The following WDPCP variants were observed in gnomAD, a reference collection of about 807,000 sequenced individuals.
WDPCP encodes WD repeat containing planar cell polarity effector, also known as WD repeat-containing and planar cell polarity effector protein fritz homolog.
In WDPCP, 71 loss-of-function variants were observed where a neutral mutation model predicts 93.1. That is an observed-to-expected ratio of 0.76 (90% CI 0.63 to 0.93). WDPCP has a LOEUF of 0.93. Among genes scored for constraint, WDPCP ranks in the 40% least tolerant of loss-of-function variants. WDPCP has a pLI of 0.00. For synonymous variants in WDPCP, 315 were observed against 315.0 expected (o/e 1.00, Z 0.00); for missense variants, 844 against 887.4 (o/e 0.95, Z 0.62).
intron 8 of WDPCP, among the ~76,000 whole-genome samples, chr2:63,436,170 A>G (rs1228279511): frequency 6.6e-6 from 1 of 152,150 alleles, no homozygotes; most frequent in Non-Finnish European, 1.5e-5. Flanking sequence ...AATAAACAGT[A>G]TTTCAAGTAA....
In WDPCP at chr2:63,625,401, G is replaced by A. The variant is rs570143670; in HGVS notation, n.488+25258C>T. Among the ~76,000 whole-genome samples the A allele has an allele frequency of 7.2e-5, 11 of 152,334 alleles. No homozygotes were observed. The East Asian group carries it at 2.1e-3, about 29-fold the overall frequency. Reference sequence around the variant, plus strand: ...GGAAGTCAAATTGTCTCTGTTTGAAGATAACATCATTGTATATTTAGAAAA... The same window carrying A: ...GGAAGTCAAATTGTCTCTGTTTGAAAATAACATCATTGTATATTTAGAAAA... On this transcript the variant is annotated intron_variant and non_coding_transcript_variant, in intron 3 of 4. Coordinates refer to the WDPCP transcript ENST00000467687.
intron 12 of WDPCP, among the ~76,000 whole-genome samples, chr2:63,373,745 G>T (rs1396641885): frequency 6.6e-6 from 1 of 151,644 alleles, no homozygotes; most frequent in African/African-American, 2.4e-5. Flanking sequence ...TGCCATCTTT[G>T]GGGTTAATTT....
At chr2:63,544,075 G>A (rs537811104) in intron 1 of WDPCP, among the ~76,000 whole-genome samples, 1 of 152,174 alleles carries the variant, frequency 6.6e-6, no homozygotes, top group African/African-American at 2.4e-5. Context: ...TAATAGCAAA[G>A]CAAGATTCAT....
intron 2 of WDPCP, among the ~76,000 whole-genome samples, chr2:63,783,052 G>T (rs764596860): frequency 6.6e-6 from 1 of 152,010 alleles, no homozygotes; most frequent in Non-Finnish European, 1.5e-5. Flanking sequence ...GCTAAAGATA[G>T]AACTGCCATG....
intron 17 of WDPCP, among the ~76,000 whole-genome samples, chr2:63,133,780 G>A (rs1302381652): frequency 6.6e-6 from 1 of 152,130 alleles, no homozygotes; most frequent in East Asian, 1.9e-4. Context: ...ATAGCAGCAT[G>A]AGAATGGACT....
chr2:63,268,619 C>T (rs957219862), intron 13 of WDPCP, among the ~76,000 whole-genome samples: 47 of 152,094 alleles, frequency 3.1e-4, no homozygotes, highest in African/African-American at 9.4e-4. Flanking sequence ...GCACATGCCA[C>T]CCCACTTGGC....
chr2:63,324,089 A>G (rs560671662), intron 12 of WDPCP, among the ~76,000 whole-genome samples: 9 of 152,242 alleles, frequency 5.9e-5, no homozygotes, highest in African/African-American at 9.6e-5. Flanking sequence ...CCTGGCCCCA[A>G]TATTCTCTCT....
At chr2:63,654,766 T>C (rs1575739707) in intron 2 of WDPCP, among the ~76,000 whole-genome samples, 1 of 152,204 alleles carries the variant, frequency 6.6e-6, no homozygotes, top group African/African-American at 2.4e-5. Flanking sequence ...TTACCGATAA[T>C]ACCTAGTACA....
chr2:63,757,204 A>G (rs975106898), intron 2 of WDPCP, among the ~76,000 whole-genome samples: 22 of 152,244 alleles, frequency 1.4e-4, no homozygotes, highest in African/African-American at 5.3e-4. Flanking sequence ...TACAGAGACC[A>G]ATAAGCAAAA....
chr2:63,495,526 T>G (rs1373583508), intron 1 of WDPCP, among the ~76,000 whole-genome samples: 1 of 152,238 alleles, frequency 6.6e-6, no homozygotes, highest in African/African-American at 2.4e-5. Flanking sequence ...AAAATATCAG[T>G]TAGTGAATTA....
chr2:63,152,816 A>T, intron 17 of WDPCP, 98 bp downstream of exon 17: 1 of 1,134,438 alleles, frequency 8.8e-7, no homozygotes, highest in Non-Finnish European at 1.3e-6. Context: ...GTTAATGTAG[A>T]CCAATAGATA....
At chr2:63,482,186 T>C (rs555429579) in intron 6 of WDPCP, among the ~76,000 whole-genome samples, 8 of 151,974 alleles carry the variant, frequency 5.3e-5, no homozygotes, top group East Asian at 1.9e-4. Context: ...TTTTAAACAA[T>C]TGGACTTTTT....
intron 2 of WDPCP, among the ~76,000 whole-genome samples, chr2:63,808,053 T>C (rs549847046): frequency 3.3e-5 from 5 of 152,268 alleles, no homozygotes; most frequent in Admixed American, 3.3e-4. Flanking sequence ...TCTGGAGAAA[T>C]TGAGCTCTTA....
At chr2:63,799,928 G>T (rs1434136055) in intron 2 of WDPCP, among the ~76,000 whole-genome samples, 12 of 152,288 alleles carry the variant, frequency 7.9e-5, no homozygotes, top group Middle Eastern at 6.8e-3. Flanking sequence ...CATTGTGGGG[G>T]ATGGAGAAGC....
chr2:63,124,853 G>C lies in WDPCP; in HGVS notation c.2191-2797C>G, dbSNP rs560109167. 2.6e-5 allele frequency among the ~76,000 whole-genome samples: 4 copies of C among 151,432 alleles called. No individual in the cohort carries two copies. In the South Asian group the frequency reaches 6.3e-4, roughly 24 times the overall value. On this transcript the variant is annotated intron_variant, in intron 17 of 17. Transcript: ENST00000272321. ...CAGAGTTGGGATTATAATTTTGTTCGTATTTCTCTGTAAAGGGTTTTTTTT... is the reference window on the plus strand; with the variant it reads ...CAGAGTTGGGATTATAATTTTGTTCCTATTTCTCTGTAAAGGGTTTTTTTT...
chr2:63,148,170 G>T (rs1671653348), intron 17 of WDPCP, among the ~76,000 whole-genome samples: 1 of 151,964 alleles, frequency 6.6e-6, no homozygotes, highest in African/African-American at 2.4e-5. Context: ...ACCAATTAAT[G>T]TCTTTCTGTT....
chr2:63,471,455 A>T (rs956532989), intron 6 of WDPCP, among the ~76,000 whole-genome samples: 1 of 152,348 alleles, frequency 6.6e-6, no homozygotes, highest in South Asian at 2.1e-4. Flanking sequence ...AAAGCCAAGA[A>T]TTTTTAATTG....
At chr2:63,222,637 C>G (rs897720736) in intron 14 of WDPCP, among the ~76,000 whole-genome samples, 3 of 152,144 alleles carry the variant, frequency 2.0e-5, no homozygotes, top group African/African-American at 7.2e-5. Context: ...AAGGCAGTGC[C>G]TGGAGGTGAA....
At chr2:63,727,624 T>C (rs1055676700) in intron 2 of WDPCP, among the ~76,000 whole-genome samples, 2 of 152,204 alleles carry the variant, frequency 1.3e-5, no homozygotes, top group Admixed American at 6.5e-5. Flanking sequence ...CAGTGGTATT[T>C]GTGCCAACTC....
Sources: gnomAD v4.1 joint callset for allele counts (sites outside exome capture counted in the v4.1 genomes callset) on GRCh38, gnomAD v4.1.1 for gene constraint, MANE v1.5 for transcripts, NCBI Gene and HGNC (gene_info 2026-07-23, HGNC 2026-07-21) for gene names.